Variants in SEMA6C observed in about 807,000 individuals in gnomAD.
The protein encoded by SEMA6C is semaphorin 6C, also known as semaphorin-6C.
In SEMA6C, 37 loss-of-function variants were observed where a neutral mutation model predicts 72.9. The observed-to-expected ratio is 0.51, with a 90% CI of 0.39 to 0.67. The LOEUF is 0.67. Ranked by LOEUF, SEMA6C falls within the 30% of genes least tolerant of loss-of-function variation. SEMA6C has a pLI of 0.00. For missense variants in SEMA6C, 1,189 were observed against 1,263.6 expected (o/e 0.94, Z 0.89); for synonymous variants, 578 against 554.1 (o/e 1.04, Z -0.61).
At chr1:151,143,882 C>A (rs2101654690) in intron 2 of SEMA6C, among the ~76,000 whole-genome samples, 1 of 152,244 alleles carries the variant, frequency 6.6e-6, no homozygotes, top group Non-Finnish European at 1.5e-5. Flanking sequence ...CCCACCGTGT[C>A]CCCTAAAACA....
intron 17 of SEMA6C, 58 bp downstream of exon 17, chr1:151,134,562 G>T (rs947770175): frequency 8.7e-6 from 14 of 1,603,822 alleles, no homozygotes; most frequent in Non-Finnish European, 1.0e-5. Context: ...GATGGTGTCT[G>T]TGGCCATCAT....
At chr1:151,135,353 A>G (rs756768986) in intron 14 of SEMA6C, 44 bp from the exon 15 acceptor site, 3 of 1,585,012 alleles carry the variant, frequency 1.9e-6, no homozygotes, top group Admixed American at 3.7e-5. Flanking sequence ...AGATGAGGCT[A>G]CCTTTTCCCT....
intron 10 of SEMA6C, 25 bp from the exon 11 acceptor site, chr1:151,137,099 A>G (rs750702673): frequency 3.1e-6 from 5 of 1,603,834 alleles, no homozygotes; most frequent in Non-Finnish European, 3.4e-6. Context: ...TGGAGTAGAC[A>G]ATGGTGAGAC....
chr1:151,132,074 G>GGGAAGCGGA lies in SEMA6C; in HGVS notation c.*401_*409dup, dbSNP rs1681573120. 1 of 582,552 alleles carries GGGAAGCGGA rather than the reference G, an allele frequency of 1.7e-6. No individual in the cohort carries two copies. The allele number at this position is 582,552 out of a possible 1,614,324, so 36.1% of individuals were successfully genotyped here. On this transcript the variant is annotated 3_prime_UTR_variant, in exon 19 of 19. Transcript: ENST00000368914. ...CAGTGGCTGCAGACACGGCTGTATT[G>GGGAAGCGGA]GGAAGCGGAGGCTCCTACACAGTAG...
intron 3 of SEMA6C, among the ~76,000 whole-genome samples, chr1:151,142,008 C>A (rs7546304): frequency 3.3e-5 from 5 of 150,950 alleles, no homozygotes; most frequent in Non-Finnish European, 7.4e-5. Flanking sequence ...GGGATTCAAA[C>A]CTGCTAAGGT....
chr1:151,139,105 A>AG (rs1004126355), intron 6 of SEMA6C, among the ~76,000 whole-genome samples: 6 of 151,794 alleles, frequency 4.0e-5, no homozygotes, highest in African/African-American at 1.5e-4. Flanking sequence ...AAAAAAAAAA[A>AG]AAAAAAGAAA....
In SEMA6C at chr1:151,132,428, C is replaced by T; in HGVS notation, c.*56G>A. ...GTGAAACGTCCTGAAGAGCGTCCAG[C>T]TCGTGGCCGAGAGGACTCGGGCGCT... is the stretch of plus-strand genomic sequence containing the variant. On this transcript the variant is annotated 3_prime_UTR_variant, in exon 19 of 19. Coordinates refer to ENST00000368914, the MANE Select transcript of SEMA6C (RefSeq NM_030913.6). The T allele has an allele frequency of 6.6e-7, 1 of 1,526,138 alleles. No individual in the cohort carries two copies. The highest frequency in any genetic ancestry group is 1.2e-5 in the South Asian group (1 of 80,852). The allele number at this position is 1,526,138 out of a possible 1,614,324, so 94.5% of individuals were successfully genotyped here. A position where few individuals can be genotyped will look rare whatever the true frequency, so the allele number is the denominator to read the frequency against.
intron 4 of SEMA6C, 68 bp from the exon 5 acceptor site, chr1:151,139,769 T>C: frequency 6.8e-7 from 1 of 1,475,118 alleles, no homozygotes; most frequent in Non-Finnish European, 9.2e-7. Flanking sequence ...AGTCAGCTGT[T>C]CAGGGACAAA....
chr1:151,144,824 G>C (rs1013960736), intron 1 of SEMA6C, among the ~76,000 whole-genome samples: 3 of 152,124 alleles, frequency 2.0e-5, no homozygotes, highest in African/African-American at 7.2e-5. Flanking sequence ...TCATTTACAT[G>C]CTCTTCATTT....
At chr1:151,143,889 A>G (rs996451707) in intron 2 of SEMA6C, among the ~76,000 whole-genome samples, 4 of 151,986 alleles carry the variant, frequency 2.6e-5, no homozygotes, top group African/African-American at 9.7e-5. Flanking sequence ...TGTCCCCTAA[A>G]ACAGACCCTA....
At chr1:151,138,177 G>A in intron 8 of SEMA6C, 72 bp from the exon 9 acceptor site, 2 of 1,594,192 alleles carry the variant, frequency 1.3e-6, no homozygotes, top group East Asian at 2.2e-5. Flanking sequence ...TGGGCCTCCT[G>A]CACCCCTACC....
Position 151,134,960 on chromosome 1 carries a change from C to T in SEMA6C, c.1581-85G>A, listed in dbSNP as rs184214139. On this transcript the variant is annotated intron_variant, in intron 15 of 18. Transcript: ENST00000368914. ...TGCTGCCTTTTCCCACCCTGGCTTA[C>T]AGGAGGCTCCCAGCCTCATTCTCTC... 6 of 1,407,126 alleles carry T rather than the reference C, an allele frequency of 4.3e-6. No individual in the cohort carries two copies. The Admixed American group carries it at 5.2e-5, about 12-fold the overall frequency. 87.2% of individuals were successfully genotyped at this position (1,407,126 alleles called of 1,614,324 possible).
chr1:151,140,211 A>C, intron 3 of SEMA6C, 121 bp from the exon 4 acceptor site: 1 of 743,558 alleles, frequency 1.3e-6, no homozygotes, highest in Non-Finnish European at 2.4e-6. Context: ...CCCAAAAGCT[A>C]TTCTTAATAC....
At chr1:151,135,833 C>T (rs2101620913) in intron 13 of SEMA6C, 69 bp from the exon 14 acceptor site, 3 of 1,566,850 alleles carry the variant, frequency 1.9e-6, no homozygotes, top group East Asian at 4.5e-5. Flanking sequence ...GAGAGCCCAA[C>T]TGCCTTGGTA....
In SEMA6C at chr1:151,132,568, C is replaced by T. The variant is rs1316635397; in HGVS notation, c.2709G>A (p.Glu903=). 1.3e-6 allele frequency: 2 copies of T among 1,551,580 alleles called. No homozygotes were observed. The highest frequency in any genetic ancestry group is 1.7e-6 in the Non-Finnish European group (2 of 1,147,342). Residue 903 remains glutamate (E), a synonymous_variant, in exon 19 of 19, where the codon GAG becomes GAA. Transcript: ENST00000368914. Reference sequence around the variant, plus strand: ...GAGGCTTCAGGGACAACTGGGGCTTCTCGACGTCCACCCTTTTCAGGGCGC... The same window carrying T: ...GAGGCTTCAGGGACAACTGGGGCTTTTCGACGTCCACCCTTTTCAGGGCGC... ...RGRALKRVDV[E]KPQLSLKPPL...
Position 151,140,035 on chromosome 1 carries a change from T to A in SEMA6C, c.174A>T (p.Glu58Asp). The A allele has an allele frequency of 6.8e-6, 11 of 1,614,142 alleles. No individual in the cohort carries two copies. The highest frequency in any genetic ancestry group is 9.3e-6 in the Non-Finnish European group (11 of 1,180,026). ...GGAATCTCTGAAAGTCCAGCCCAAG[T>A]TCTGCAGCCACAGCATCATCCTCCA... ...RGLEDDAVAA[E>D]LGLDFQRFLT... Residue 58 changes from glutamate (E) to aspartate (D), a missense_variant, in exon 4 of 19, where the codon GAA (glutamate) becomes GAT (aspartate). Physicochemically the swap from Glu to Asp is conservative, Grantham distance 45. This residue lies in a region of SEMA6C where 468 missense variants were observed against 577.4 expected (regional missense o/e 0.81). Coordinates refer to ENST00000368914, the MANE Select transcript of SEMA6C (RefSeq NM_030913.6).
Position 151,132,749 on chromosome 1 carries a change from C to G in SEMA6C, c.2528G>C (p.Arg843Pro). The G allele has an allele frequency of 6.9e-7, 1 of 1,443,608 alleles. No individual in the cohort carries two copies. Among genetic ancestry groups the G allele is most frequent in the South Asian group, 1.5e-5 (1 of 67,412 alleles). The allele number at this position is 1,443,608 out of a possible 1,614,324, so 89.4% of individuals were successfully genotyped here. A position where few individuals can be genotyped will look rare whatever the true frequency, so the allele number is the denominator to read the frequency against. ...ARPALSAPAP[R>P]LGVGGGRRLP... ...CCTCCGGCCTCCGCCGACGCCCAGC[C>G]GGGGAGCGGGGGCGGAGAGCGCGGG... Residue 843 changes from arginine to proline, a missense_variant, in exon 19 of 19, where the codon CGG becomes CCG. Arg to Pro is a moderately radical substitution (Grantham distance 103). Around this residue, in one of 2 missense-constraint regions of SEMA6C, gnomAD observed 721 missense variants for 686.2 expected, o/e 1.05. Transcript: ENST00000368914.
At position 151,139,478 on chromosome 1, in the gene SEMA6C, G is replaced by C. The variant is rs764190171; in HGVS notation, c.301C>G (p.Leu101Val). The change falls in exon 6 of 19, where the codon CTA becomes GTA. Residue 101 changes from leucine (L) to valine (V), a missense_variant. Around this residue, in one of 2 missense-constraint regions of SEMA6C, gnomAD observed 468 missense variants for 577.4 expected, o/e 0.81. Coordinates refer to ENST00000368914, the MANE Select transcript of SEMA6C (RefSeq NM_030913.6). ...TCCACATCTTGGCTTCTCCATGTTA[G>C]ATACTGAAGGGATAAGTTGAAGAGG... ...EGEGLVPNKY[L>V]TWRSQDVENC... The C allele has an allele frequency of 4.3e-6, 7 of 1,613,862 alleles. No homozygotes were observed. The African/African-American group carries it at 8.0e-5, about 18-fold the overall frequency.
intron 10 of SEMA6C, among the ~76,000 whole-genome samples, chr1:151,137,461 AAG>A (rs1682138758): frequency 6.6e-6 from 1 of 151,310 alleles, no homozygotes; most frequent in Non-Finnish European, 1.5e-5. Flanking sequence ...AAAAAAAAAA[AAG>A]AGCACCAAGG....
Sources: gnomAD v4.1 joint callset for allele counts (sites outside exome capture counted in the v4.1 genomes callset) on GRCh38, gnomAD v4.1.1 for gene constraint, gnomAD v4.1.1 regional missense constraint, MANE v1.5 for transcripts, NCBI Gene and HGNC (gene_info 2026-07-23, HGNC 2026-07-21) for gene names.